The following UGT2B15 variants were observed in gnomAD, a reference collection of about 807,000 sequenced individuals.
UGT2B15 encodes the protein UDP glucuronosyltransferase family 2 member B15, also known as UDP-glucuronosyltransferase 2B15.
A neutral mutation model predicts 45.9 loss-of-function variants in UGT2B15; 36 were observed. The observed-to-expected ratio is 0.78, with a 90% CI of 0.60 to 1.04. The LOEUF (loss-of-function observed/expected upper bound fraction) is 1.04. Ranked by LOEUF, UGT2B15 falls within the 50% of genes least tolerant of loss-of-function variation. UGT2B15 has a pLI of 0.00. For synonymous variants in UGT2B15, 219 were observed against 216.4 expected (o/e 1.01, Z -0.11); for missense variants, 617 against 622.4 (o/e 0.99, Z 0.09).
At chr4:68,667,411 A>T (rs1029156731) in intron 2 of UGT2B15, among the ~76,000 whole-genome samples, 1 of 151,952 alleles carries the variant, frequency 6.6e-6, no homozygotes, top group African/African-American at 2.4e-5. Context: ...CCTGAGCCCA[A>T]GCAATCATGC....
rs1733283805 is a variant in UGT2B15 at position 68,670,569 on chromosome 4, T to C, written c.50A>G (p.Tyr17Cys). 2 of 1,604,512 alleles carry C rather than the reference T, an allele frequency of 1.2e-6. No homozygotes were observed. Among genetic ancestry groups the C allele is most frequent in the Non-Finnish European group, 1.7e-6 (2 of 1,177,880 alleles). The change falls in exon 1 of 6, where the codon TAC (tyrosine) becomes TGC (cysteine). Residue 17 changes from tyrosine to cysteine, a missense_variant. Tyr to Cys is a radical substitution (Grantham distance 194). Coordinates refer to ENST00000338206, the MANE Select transcript of UGT2B15 (RefSeq NM_001076.4). ...CTTTCCACAGCTTCCAGAGCTAAAGTAACAACTGAGCTGTATCAGCAGAAA... is the reference window on the plus strand; with the variant it reads ...CTTTCCACAGCTTCCAGAGCTAAAGCAACAACTGAGCTGTATCAGCAGAAA... Reference protein sequence around the residue: ...SVFLLIQLSCYFSSGSCGKVL... With the variant: ...SVFLLIQLSCCFSSGSCGKVL...
intron 5 of UGT2B15, among the ~76,000 whole-genome samples, chr4:68,649,137 C>T (rs373831365): frequency 3.4e-4 from 51 of 151,636 alleles, no homozygotes; most frequent in African/African-American, 1.1e-3. Context: ...TTTCAGTTAT[C>T]GTTTTTGGAT....
chr4:68,670,329 C>A lies in UGT2B15; in HGVS notation c.290G>T (p.Trp97Leu). 6.2e-7 allele frequency: 1 copy of A among 1,613,734 alleles called. No individual in the cohort carries two copies. Among genetic ancestry groups the A allele is most frequent in the Non-Finnish European group, 8.5e-7 (1 of 1,179,916 alleles). ...EDSLLKILDR[W>L]IYGVSKNTFW... ...TGTATTTTTTGAAACACCATATATC[C>A]ATCTATCGAGAATTTTCAGAAGAGA... The change falls in exon 1 of 6, where the codon TGG becomes TTG. Residue 97 changes from tryptophan (W) to leucine (L), a missense_variant. Coordinates refer to ENST00000338206, the MANE Select transcript of UGT2B15 (RefSeq NM_001076.4).
chr4:68,655,976 C>A (rs913814911), intron 3 of UGT2B15, among the ~76,000 whole-genome samples: 1 of 152,004 alleles, frequency 6.6e-6, no homozygotes, highest in African/African-American at 2.4e-5. Context: ...GTGCTTGGTA[C>A]CAGCATGAGC....
chr4:68,660,436 C>T (rs1732930465), intron 3 of UGT2B15, among the ~76,000 whole-genome samples: 2 of 152,030 alleles, frequency 1.3e-5, no homozygotes, highest in African/African-American at 4.8e-5. Flanking sequence ...TAAAAAAGTC[C>T]TATCTGAGAT....
intron 5 of UGT2B15, among the ~76,000 whole-genome samples, chr4:68,651,233 A>G (rs1464643753): frequency 4.6e-5 from 7 of 151,976 alleles, no homozygotes; most frequent in African/African-American, 7.2e-5. Context: ...GCCCATGCCT[A>G]TGTCCTGAAT....
intron 3 of UGT2B15, among the ~76,000 whole-genome samples, chr4:68,655,603 A>G (rs1280152521): frequency 1.3e-5 from 2 of 152,032 alleles, no homozygotes; most frequent in Admixed American, 1.3e-4. Flanking sequence ...TCAGAAACTC[A>G]AAGGAATTCA....
chr4:68,655,219 G>T, intron 3 of UGT2B15, 37 bp from the exon 4 acceptor site: 10 of 1,601,674 alleles, frequency 6.2e-6, no homozygotes, highest in Non-Finnish European at 8.5e-6. Flanking sequence ...TCAATGAATA[G>T]AACTCTAAAA....
chr4:68,664,491 A>C (rs565252291), intron 2 of UGT2B15, among the ~76,000 whole-genome samples: 1 of 152,292 alleles, frequency 6.6e-6, no homozygotes, highest in Non-Finnish European at 1.5e-5. Context: ...TTACAAATAA[A>C]AAAAGAAATT....
Position 68,663,762 on chromosome 4 carries a change from G to A in UGT2B15, c.874-623C>T, listed in dbSNP as rs1420410501. 2.1e-3 allele frequency among the ~76,000 whole-genome samples: 45 copies of A among 21,176 alleles called. 1 individual carries two copies. Among genetic ancestry groups the A allele is most frequent in the South Asian group, 0.011 (6 of 564 alleles). 13.9% of individuals were successfully genotyped at this position (21,176 alleles called of 152,430 possible). On this transcript the variant is annotated intron_variant, in intron 2 of 5. Transcript: ENST00000338206. ...TACCCCACTACCCCTCACTGCCCCC[G>A]ACACCCCCACCCCCCAAAAACACCT...
intron 4 of UGT2B15, among the ~76,000 whole-genome samples, chr4:68,654,643 A>C (rs1334487770): frequency 6.6e-6 from 1 of 152,036 alleles, no homozygotes; most frequent in Non-Finnish European, 1.5e-5. Flanking sequence ...CCGGTTATGC[A>C]TCATCATGAA....
chr4:68,663,403 A>G (rs1733021884), intron 2 of UGT2B15, among the ~76,000 whole-genome samples: 1 of 152,244 alleles, frequency 6.6e-6, no homozygotes, highest in African/African-American at 2.4e-5. Context: ...ATGACACTGC[A>G]GTAGGAGGAG....
intron 5 of UGT2B15, among the ~76,000 whole-genome samples, chr4:68,649,093 A>T (rs557576436): frequency 4.6e-5 from 7 of 152,032 alleles, no homozygotes; most frequent in Non-Finnish European, 7.4e-5. Context: ...TGAATTTTTT[A>T]AAAAATATTT....
At position 68,664,965 on chromosome 4, in the gene UGT2B15, A is replaced by G. The variant is rs149710876; in HGVS notation, c.874-1826T>C. 2.9e-3 allele frequency among the ~76,000 whole-genome samples: 449 copies of G among 152,240 alleles called. 2 individuals are homozygous for G. Among genetic ancestry groups the G allele is most frequent in the African/African-American group, 0.01 (421 of 41,544 alleles). Reference sequence around the variant, plus strand: ...TTGCAGTTGCCTGTAGCCACATTTAATGTAACTTGAGTTCAATGTTTTGTC... The same window carrying G: ...TTGCAGTTGCCTGTAGCCACATTTAGTGTAACTTGAGTTCAATGTTTTGTC... On this transcript the variant is annotated intron_variant, in intron 2 of 5. Transcript: ENST00000338206.
intron 5 of UGT2B15, among the ~76,000 whole-genome samples, chr4:68,653,751 TTTTCA>T (rs1422124884): frequency 6.6e-6 from 1 of 152,074 alleles, no homozygotes; most frequent in Non-Finnish European, 1.5e-5. Flanking sequence ...ATGTTCTTTC[TTTTCA>T]TTGTGCATTC....
intron 4 of UGT2B15, 105 bp from the exon 5 acceptor site, chr4:68,654,361 C>A: frequency 8.4e-6 from 9 of 1,075,964 alleles, no homozygotes; most frequent in Non-Finnish European, 1.2e-5. Context: ...CCCTAGGTAA[C>A]ATTATACCCA....
At position 68,647,076 on chromosome 4, in the gene UGT2B15, G is replaced by A. The variant is rs1389953523; in HGVS notation, c.*28C>T. ...AATAAAGGAGGAGTCCCATCTTTCA[G>A]TCATTCCACTTCAGGCTTTTGATAT... On this transcript the variant is annotated 3_prime_UTR_variant, in exon 6 of 6. Coordinates refer to ENST00000338206, the MANE Select transcript of UGT2B15 (RefSeq NM_001076.4). 1 of 1,592,466 alleles carries A rather than the reference G, an allele frequency of 6.3e-7. No individual in the cohort carries two copies. Among genetic ancestry groups the A allele is most frequent in the East Asian group, 2.2e-5 (1 of 44,696 alleles).
At position 68,668,095 on chromosome 4, in the gene UGT2B15, G is replaced by T; in HGVS notation, c.818C>A (p.Pro273Gln). 1 of 1,613,928 alleles carries T rather than the reference G, an allele frequency of 6.2e-7. No individual in the cohort carries two copies. Residue 273 changes from proline (P) to glutamine (Q), a missense_variant, in exon 2 of 6, where the codon CCA becomes CAA. By Grantham distance (76) the Pro-to-Gln change is moderately conservative (BLOSUM62 -1). Coordinates refer to ENST00000338206, the MANE Select transcript of UGT2B15 (RefSeq NM_001076.4). ...WDFEFPRPFL[P>Q]NVDFVGGLHC... ...AAGTCCTCCAACAAAATCAACATTT[G>T]GTAAGAATGGGCGAGGAAATTCAAA...
chr4:68,654,076 T>A lies in UGT2B15; in HGVS notation c.1274A>T (p.Asp425Val), dbSNP rs768809300. 6.8e-6 allele frequency: 11 copies of A among 1,613,520 alleles called. 2 individuals carry two copies. Among genetic ancestry groups the A allele is most frequent in the Non-Finnish European group, 9.3e-6 (11 of 1,179,632 alleles). The change falls in exon 5 of 6, where the codon GAT (aspartate) becomes GTT (valine). Residue 425 changes from aspartate to valine, a missense_variant. Asp to Val is a radical substitution (Grantham distance 152). Transcript: ENST00000338206. ...SVDIRTMSSR[D>V]LLNALKSVIN... ...GACTGACTTCAATGCATTGAGCAAA[T>A]CTCTACTTGACATGGTCCTGATGTC...
Sources: allele counts gnomAD v4.1 joint callset (sites outside exome capture counted in the v4.1 genomes callset), GRCh38; gene constraint gnomAD v4.1.1; transcripts MANE v1.5; gene names NCBI Gene and HGNC (gene_info 2026-07-23, HGNC 2026-07-21).